STARD13: variants seen among roughly 807,000 people sequenced by gnomAD.
The protein encoded by STARD13 is stAR-related lipid transfer protein 13.
STARD13 carries 62 observed loss-of-function variants against 106.4 expected under a neutral mutation model. That is an observed-to-expected ratio of 0.58 (90% CI 0.48 to 0.72). The LOEUF is 0.72. Ranked by LOEUF, STARD13 falls within the 30% of genes least tolerant of loss-of-function variation. The pLI is 0.00. For synonymous variants in STARD13, 565 were observed against 553.0 expected (o/e 1.02, Z -0.31); for missense variants, 1,387 against 1,424.0 (o/e 0.97, Z 0.42).
At chr13:33,428,437 A>G in the STARD13 span, among the ~76,000 whole-genome samples, 1 of 152,204 alleles carries the variant, frequency 6.6e-6, no homozygotes, top group Non-Finnish European at 1.5e-5. Context: ...AGACGTTAAT[A>G]TTAAAAATAT....
At chr13:33,505,426 A>C in the STARD13 span, among the ~76,000 whole-genome samples, 1 of 152,194 alleles carries the variant, frequency 6.6e-6, no homozygotes, top group East Asian at 1.9e-4. Context: ...CACAAAAATG[A>C]ATCTTTATAT....
chr13:33,590,718 AG>A, the STARD13 span, among the ~76,000 whole-genome samples: 17 of 21,316 alleles, frequency 8.0e-4, no homozygotes, highest in African/African-American at 3.0e-3. Flanking sequence ...GGGAGGGGGG[AG>A]GGGGGAGGGA....
the STARD13 span, among the ~76,000 whole-genome samples, chr13:33,474,089 C>T: frequency 6.6e-6 from 1 of 152,074 alleles, no homozygotes; most frequent in Non-Finnish European, 1.5e-5. Context: ...ACCGTCTCAC[C>T]CCAGTATTCT....
downstream of STARD13, among the ~76,000 whole-genome samples, chr13:33,345,419 G>A (rs1313092005): frequency 6.6e-6 from 1 of 152,174 alleles, no homozygotes; most frequent in Non-Finnish European, 1.5e-5. Context: ...TCTCCACAAA[G>A]TCCAGGGAGG....
At chr13:33,284,003 T>C (rs1373698628) in intron 1 of STARD13, among the ~76,000 whole-genome samples, 1 of 152,210 alleles carries the variant, frequency 6.6e-6, no homozygotes, top group Non-Finnish European at 1.5e-5. Context: ...AGCGCATCAT[T>C]AAGCCTCGGT....
the STARD13 span, among the ~76,000 whole-genome samples, chr13:33,499,611 TTCTTCTTCTTCTTCTTC>T: frequency 8.7e-4 from 67 of 76,886 alleles, no homozygotes; most frequent in East Asian, 2.2e-3. Context: ...TTCTTTCTTC[TTCTTCTTCTTCTTCTTC>T]TTCTTCTTCT....
chr13:33,638,520 T>C, the STARD13 span, among the ~76,000 whole-genome samples: 1 of 152,048 alleles, frequency 6.6e-6, no homozygotes, highest in South Asian at 2.1e-4. Flanking sequence ...TAGAAAAGAG[T>C]GTCTGGGTTA....
intron 1 of STARD13, among the ~76,000 whole-genome samples, chr13:33,193,456 C>T (rs1886393592): frequency 6.6e-6 from 1 of 152,122 alleles, no homozygotes; most frequent in African/African-American, 2.4e-5. Context: ...TGGACAAACA[C>T]GCAGACAGAA....
chr13:33,480,892 G>A, the STARD13 span, among the ~76,000 whole-genome samples: 1 of 152,024 alleles, frequency 6.6e-6, no homozygotes, highest in Admixed American at 6.5e-5. Context: ...GTAAAATCCG[G>A]GAAGCTATTA....
intron 1 of STARD13, among the ~76,000 whole-genome samples, chr13:33,224,468 C>T (rs1206293029): frequency 1.3e-5 from 2 of 152,180 alleles, no homozygotes; most frequent in East Asian, 1.9e-4. Context: ...CAGTGAGGCT[C>T]AGCCCATATT....
the STARD13 span, among the ~76,000 whole-genome samples, chr13:33,456,266 T>G: frequency 6.6e-6 from 1 of 152,196 alleles, no homozygotes; most frequent in Non-Finnish European, 1.5e-5. Flanking sequence ...CTCGGCTTAC[T>G]GCAACCTCTG....
chr13:33,245,610 TA>T (rs1166222753), intron 1 of STARD13, among the ~76,000 whole-genome samples: 1 of 152,216 alleles, frequency 6.6e-6, no homozygotes, highest in Non-Finnish European at 1.5e-5. Context: ...ACAAATTGTA[TA>T]ATGTTCCCTG....
intron 1 of STARD13, chr13:33,186,015 T>A: frequency 6.2e-7 from 1 of 1,614,158 alleles, no homozygotes; most frequent in Non-Finnish European, 8.5e-7. Flanking sequence ...TGAGGAGGGT[T>A]CCAGCATGGA....
chr13:33,437,439 C>CT, the STARD13 span, among the ~76,000 whole-genome samples: 1 of 152,282 alleles, frequency 6.6e-6, no homozygotes, highest in Admixed American at 6.5e-5. Context: ...AACTTGGTGT[C>CT]TGAGGAGTTT....
chr13:33,284,986 C>A (rs779614034), intron 1 of STARD13, among the ~76,000 whole-genome samples: 1 of 152,106 alleles, frequency 6.6e-6, no homozygotes, highest in Admixed American at 6.5e-5. Flanking sequence ...GAAGAGAATG[C>A]GATTCTAGTG....
At chr13:33,599,468 A>G in the STARD13 span, among the ~76,000 whole-genome samples, 1 of 151,936 alleles carries the variant, frequency 6.6e-6, no homozygotes, top group African/African-American at 2.4e-5. Flanking sequence ...TTGTTTATCA[A>G]TTTCCTTATT....
At chr13:33,163,699 CAT>C (rs1165682895) in intron 3 of STARD13, among the ~76,000 whole-genome samples, 72 of 95,358 alleles carry the variant, frequency 7.6e-4, no homozygotes, top group South Asian at 3.1e-3. Flanking sequence ...ATATATATAA[CAT>C]ATATATAAAA....
chr13:33,538,674 A>T, the STARD13 span, among the ~76,000 whole-genome samples: 197 of 152,272 alleles, frequency 1.3e-3, no homozygotes, highest in Admixed American at 7.1e-3. Flanking sequence ...CATTTCATAA[A>T]GAATTTCTGG....
intron 1 of STARD13, chr13:33,275,952 C>T (rs188842521): frequency 6.6e-6 from 1 of 152,366 alleles, no homozygotes; most frequent in African/African-American, 2.4e-5. Context: ...CATAAAAATT[C>T]CACTCAGTAT....
Sources: allele counts gnomAD v4.1 joint callset (sites outside exome capture counted in the v4.1 genomes callset), GRCh38; gene constraint gnomAD v4.1.1; transcripts MANE v1.5; gene names NCBI Gene and HGNC (gene_info 2026-07-23, HGNC 2026-07-21).